The following ERG variants were observed in gnomAD, a reference collection of about 807,000 sequenced individuals.
ERG encodes transcriptional regulator ERG.
A neutral mutation model predicts 55.3 loss-of-function variants in ERG; 9 were observed. That is an observed-to-expected ratio of 0.16 (90% CI 0.10 to 0.28). The LOEUF (loss-of-function observed/expected upper bound fraction) is 0.28. Among genes scored for constraint, ERG ranks in the 10% least tolerant of loss-of-function variants. ERG has a pLI of 1.00. For synonymous variants in ERG, 223 were observed against 237.3 expected (o/e 0.94, Z 0.55); for missense variants, 434 against 631.6 (o/e 0.69, Z 3.35).
chr21:38,493,233 A>G (rs912618348), intron 1 of ERG, among the ~76,000 whole-genome samples: 1 of 152,246 alleles, frequency 6.6e-6, no homozygotes, highest in Non-Finnish European at 1.5e-5. Context: ...CATCGCAAGC[A>G]GCATCACTTT....
At chr21:38,461,426 T>G (rs773271196) in intron 1 of ERG, among the ~76,000 whole-genome samples, 2 of 152,204 alleles carry the variant, frequency 1.3e-5, no homozygotes, top group African/African-American at 2.4e-5. Context: ...GGGTTAGGAC[T>G]TCAACATAAC....
intron 1 of ERG, among the ~76,000 whole-genome samples, chr21:38,596,090 A>T (rs890486725): frequency 6.6e-6 from 1 of 151,676 alleles, no homozygotes; most frequent in Admixed American, 6.6e-5. Flanking sequence ...AATAGCTAGA[A>T]CATCTTAATA....
chr21:38,588,143 C>G (rs2060077778), upstream of ERG, among the ~76,000 whole-genome samples: 1 of 152,178 alleles, frequency 6.6e-6, no homozygotes, highest in Admixed American at 6.5e-5. Context: ...GTGAGCTGGC[C>G]TCATCAAAGC....
Position 38,442,799 on chromosome 21 carries a change from T to A in ERG, c.236+2605A>T, listed in dbSNP as rs540607824. On this transcript the variant is annotated intron_variant, in intron 2 of 9. Transcript: ENST00000288319. ...CTTCTCCCACAAACAGAATGCTTAT[T>A]TTTTTATTTTTTATTTTTATTTTTT... 2.6e-5 allele frequency among the ~76,000 whole-genome samples: 4 copies of A among 152,246 alleles called. No homozygotes were observed. The East Asian group carries it at 7.7e-4, about 29-fold the overall frequency.
At chr21:38,631,911 C>T (rs1160453425) in intron 1 of ERG, among the ~76,000 whole-genome samples, 1 of 151,994 alleles carries the variant, frequency 6.6e-6, no homozygotes, top group African/African-American at 2.4e-5. Flanking sequence ...GTTTAACTGG[C>T]TTCTGCTTGA....
chr21:38,572,322 C>A (rs1026604424), intron 2 of ERG, among the ~76,000 whole-genome samples: 4 of 147,564 alleles, frequency 2.7e-5, no homozygotes, highest in Non-Finnish European at 5.9e-5. Flanking sequence ...AAGCCAAGAT[C>A]GCGCCACTGC....
intron 3 of ERG, among the ~76,000 whole-genome samples, chr21:38,418,276 T>TGTGTGC (rs1989372218): frequency 8.1e-6 from 1 of 123,004 alleles, no homozygotes; most frequent in African/African-American, 2.6e-5. Context: ...TGGAAGTGTG[T>TGTGTGC]GTGTGTGTGT....
chr21:38,494,563 T>TGAA (rs1471458503), intron 1 of ERG, among the ~76,000 whole-genome samples: 1 of 152,276 alleles, frequency 6.6e-6, no homozygotes, highest in Non-Finnish European at 1.5e-5. Flanking sequence ...TTCATTTACT[T>TGAA]ATTTTTATGT....
At chr21:38,463,457 A>AT (rs1426836486) in intron 1 of ERG, among the ~76,000 whole-genome samples, 5 of 151,998 alleles carry the variant, frequency 3.3e-5, no homozygotes, top group Non-Finnish European at 7.4e-5. Flanking sequence ...ACTTTTTTCT[A>AT]TTTTTTCTCT....
chr21:38,418,658 G>A (rs1016511344), intron 3 of ERG, among the ~76,000 whole-genome samples: 8 of 152,022 alleles, frequency 5.3e-5, no homozygotes, highest in Non-Finnish European at 1.0e-4. Flanking sequence ...CAGGCGTGGT[G>A]GTTCATGCCT....
At chr21:38,548,524 T>G (rs1163410685) in intron 2 of ERG, among the ~76,000 whole-genome samples, 2 of 150,418 alleles carry the variant, frequency 1.3e-5, no homozygotes, top group East Asian at 2.0e-4. Context: ...CTCTGCTCAC[T>G]GCAAGCTCTG....
the ERG span, among the ~76,000 whole-genome samples, chr21:38,369,457 C>T: frequency 6.6e-6 from 1 of 152,006 alleles, no homozygotes; most frequent in Non-Finnish European, 1.5e-5. Context: ...TCACTTTTTA[C>T]AAGGGTTGTT....
chr21:38,595,558 G>C (rs1376459945), intron 1 of ERG, among the ~76,000 whole-genome samples: 2 of 152,176 alleles, frequency 1.3e-5, no homozygotes, highest in East Asian at 3.9e-4. Flanking sequence ...GCTCAGTCAG[G>C]GTCTAGGACT....
chr21:38,614,821 G>C (rs2060249414), intron 1 of ERG, among the ~76,000 whole-genome samples: 1 of 152,190 alleles, frequency 6.6e-6, no homozygotes, highest in African/African-American at 2.4e-5. Context: ...CCCTCCTTTG[G>C]GGAAATATCC....
At chr21:38,622,755 TACCACACAC>T (rs1376274349) in intron 1 of ERG, among the ~76,000 whole-genome samples, 4 of 124,074 alleles carry the variant, frequency 3.2e-5, no homozygotes, top group Non-Finnish European at 5.1e-5. Context: ...TGCTCATACA[TACCACACAC>T]ACCACACACA....
chr21:38,474,681 A>T (rs1218747822), intron 1 of ERG, among the ~76,000 whole-genome samples: 1 of 152,074 alleles, frequency 6.6e-6, no homozygotes, highest in East Asian at 1.9e-4. Flanking sequence ...GAAGGTGGTG[A>T]CTATATAGCC....
chr21:38,571,546 A>T (rs1388023784), intron 2 of ERG, among the ~76,000 whole-genome samples: 1 of 151,856 alleles, frequency 6.6e-6, no homozygotes, highest in Non-Finnish European at 1.5e-5. Context: ...TAAATAAAAA[A>T]TTTTTAAAAA....
At chr21:38,637,126 C>A (rs2060394222) in intron 1 of ERG, among the ~76,000 whole-genome samples, 1 of 152,150 alleles carries the variant, frequency 6.6e-6, no homozygotes, top group South Asian at 2.1e-4. Context: ...CAGCCACTAG[C>A]CTCTCTTTGC....
At chr21:38,569,108 G>C (rs1451260822) in intron 2 of ERG, among the ~76,000 whole-genome samples, 1 of 152,222 alleles carries the variant, frequency 6.6e-6, no homozygotes. Context: ...CGAAGTGTTT[G>C]AGAACAGGTG....
Sources: gnomAD v4.1 joint callset for allele counts (sites outside exome capture counted in the v4.1 genomes callset) on GRCh38, gnomAD v4.1.1 for gene constraint, MANE v1.5 for transcripts, NCBI Gene and HGNC (gene_info 2026-07-23, HGNC 2026-07-21) for gene names.